Variants in SLC10A7 observed in about 807,000 individuals in gnomAD.
SLC10A7 encodes solute carrier family 10 member 7, also known as sodium/bile acid cotransporter 7.
Under a neutral mutation model 43.2 loss-of-function variants are expected in SLC10A7, and 29 were observed. The ratio of observed to expected loss-of-function variants is 0.67; its 90% CI spans 0.50 to 0.92. The LOEUF is 0.92. Ranked by LOEUF, SLC10A7 falls within the 40% of genes least tolerant of loss-of-function variation. The probability of loss-of-function intolerance (pLI) is 0.00; values close to 1 mark genes in which losing one functional copy is unlikely to be tolerated. For synonymous variants in SLC10A7, 152 were observed against 144.8 expected (o/e 1.05, Z -0.35); for missense variants, 295 against 403.2 (o/e 0.73, Z 2.30).
chr4:146,376,369 A>T (rs1347144600), intron 5 of SLC10A7, among the ~76,000 whole-genome samples: 1 of 152,064 alleles, frequency 6.6e-6, no homozygotes, highest in African/African-American at 2.4e-5. Flanking sequence ...GGAAACTGCA[A>T]CCCTAAATGA....
intron 10 of SLC10A7, among the ~76,000 whole-genome samples, chr4:146,278,567 C>T (rs998383165): frequency 6.6e-6 from 1 of 152,150 alleles, no homozygotes; most frequent in Non-Finnish European, 1.5e-5. Context: ...TTTTTAACCT[C>T]TTTAGGAAGA....
chr4:146,365,845 T>C (rs1253125002), intron 5 of SLC10A7, among the ~76,000 whole-genome samples: 1 of 152,204 alleles, frequency 6.6e-6, no homozygotes, highest in African/African-American at 2.4e-5. Flanking sequence ...CCCTGGGCAG[T>C]GGACCAACCA....
At chr4:146,406,174 G>A (rs1727671936) in intron 5 of SLC10A7, among the ~76,000 whole-genome samples, 1 of 152,042 alleles carries the variant, frequency 6.6e-6, no homozygotes, top group South Asian at 2.1e-4. Context: ...TTAAATAAAA[G>A]CTACAGCCTT....
chr4:146,355,257 A>G (rs550333761), intron 5 of SLC10A7, among the ~76,000 whole-genome samples: 1 of 152,340 alleles, frequency 6.6e-6, no homozygotes, highest in South Asian at 2.1e-4. Context: ...TCAAAAGAAG[A>G]CATTTATGCA....
chr4:146,476,386 T>C (rs1243323156), intron 4 of SLC10A7, among the ~76,000 whole-genome samples: 1 of 152,082 alleles, frequency 6.6e-6, no homozygotes. Flanking sequence ...AATAAATACA[T>C]TAAGAAGTAA....
rs185947029 is a variant in SLC10A7, at chr4:146,504,739, T to A, written c.321-815A>T. On this transcript the variant is annotated intron_variant, in intron 3 of 11. Coordinates refer to ENST00000335472, the MANE Select transcript of SLC10A7 (RefSeq NM_001029998.6). ...TTTCTATAGAAGAGCAGTTTTCAAA[T>A]CTTCATCTCACAAAAGACATTTTAA... Among the ~76,000 whole-genome samples, 404 of 152,278 alleles carry A rather than the reference T, an allele frequency of 2.7e-3. 4 individuals are homozygous for A. The highest frequency in any genetic ancestry group is 9.5e-3 in the African/African-American group (395 of 41,552).
In SLC10A7 at chr4:146,462,562, T is replaced by C. The variant is rs557049448; in HGVS notation, c.397-19741A>G. Among the ~76,000 whole-genome samples the C allele has an allele frequency of 3.3e-5, 5 of 152,288 alleles. No individual in the cohort carries two copies. The South Asian group carries it at 8.3e-4, about 25-fold the overall frequency. On this transcript the variant is annotated intron_variant, in intron 4 of 11. Coordinates refer to ENST00000335472, the MANE Select transcript of SLC10A7 (RefSeq NM_001029998.6). Reference sequence around the variant, plus strand: ...TCTAATATGCTATGTAGCTAAGATATATATGAATATCAAAAATACACAGCA... The same window carrying C: ...TCTAATATGCTATGTAGCTAAGATACATATGAATATCAAAAATACACAGCA...
At chr4:146,371,981 T>C (rs1736813673) in intron 5 of SLC10A7, among the ~76,000 whole-genome samples, 2 of 152,138 alleles carry the variant, frequency 1.3e-5, no homozygotes, top group Admixed American at 1.3e-4. Context: ...CCGGAAGCAA[T>C]GTTTTATGTC....
chr4:146,260,601 T>C (rs115314910), intron 10 of SLC10A7, among the ~76,000 whole-genome samples: 3,324 of 152,294 alleles, frequency 0.022, 110 homozygotes, highest in African/African-American at 0.076. Flanking sequence ...CAGATGCTGC[T>C]GCTACAATAA....
At chr4:146,401,413 G>C (rs1385887330) in intron 5 of SLC10A7, among the ~76,000 whole-genome samples, 5 of 152,164 alleles carry the variant, frequency 3.3e-5, no homozygotes, top group Admixed American at 3.3e-4. Context: ...GAACAAAGGG[G>C]CAAACACACA....
At chr4:146,309,250 G>A (rs1256291835) in intron 6 of SLC10A7, among the ~76,000 whole-genome samples, 1 of 152,036 alleles carries the variant, frequency 6.6e-6, no homozygotes, top group African/African-American at 2.4e-5. Flanking sequence ...TGTACCTCTC[G>A]GAATCCTTGG....
At chr4:146,512,724 A>G (rs959931432) in intron 2 of SLC10A7, among the ~76,000 whole-genome samples, 2 of 152,206 alleles carry the variant, frequency 1.3e-5, no homozygotes, top group Admixed American at 6.5e-5. Flanking sequence ...AACTTAAACT[A>G]CATATATCAT....
intron 5 of SLC10A7, among the ~76,000 whole-genome samples, chr4:146,359,451 A>G (rs1224645487): frequency 6.6e-6 from 1 of 152,076 alleles, no homozygotes; most frequent in Non-Finnish European, 1.5e-5. Context: ...ATGTTCACCT[A>G]TGTTTTTTTC....
intron 7 of SLC10A7, among the ~76,000 whole-genome samples, chr4:146,298,524 T>C (rs928022381): frequency 6.6e-6 from 1 of 152,234 alleles, no homozygotes; most frequent in Non-Finnish European, 1.5e-5. Flanking sequence ...TATGCTTTTT[T>C]ATTATTAATT....
At chr4:146,336,851 A>C (rs887561127) in intron 5 of SLC10A7, among the ~76,000 whole-genome samples, 1 of 152,072 alleles carries the variant, frequency 6.6e-6, no homozygotes, top group Non-Finnish European at 1.5e-5. Flanking sequence ...AGAACACAAA[A>C]GTGGAATAAT....
intron 4 of SLC10A7, among the ~76,000 whole-genome samples, chr4:146,483,607 G>A (rs1333287419): frequency 1.3e-5 from 2 of 151,984 alleles, no homozygotes; most frequent in African/African-American, 4.8e-5. Flanking sequence ...GTAATAGTAA[G>A]TCCTTACCTA....
At chr4:146,256,844 G>A (rs1486096905) in intron 11 of SLC10A7, 1 of 1,535,630 alleles carries the variant, frequency 6.5e-7, no homozygotes, top group Admixed American at 2.0e-5. Context: ...TGGACTCTTG[G>A]TATTTATTTT....
At chr4:146,465,958 T>C (rs1041249591) in intron 4 of SLC10A7, among the ~76,000 whole-genome samples, 15 of 152,218 alleles carry the variant, frequency 9.9e-5, no homozygotes, top group African/African-American at 3.1e-4. Context: ...TTTTCTAAGA[T>C]GTTCTTTAAC....
intron 2 of SLC10A7, among the ~76,000 whole-genome samples, chr4:146,511,689 C>T (rs972752372): frequency 6.6e-6 from 1 of 152,110 alleles, no homozygotes; most frequent in African/African-American, 2.4e-5. Context: ...TTTAGGACCA[C>T]TAGAAAACAC....
Sources: allele counts gnomAD v4.1 joint callset (sites outside exome capture counted in the v4.1 genomes callset), GRCh38; gene constraint gnomAD v4.1.1; transcripts MANE v1.5; gene names NCBI Gene and HGNC (gene_info 2026-07-23, HGNC 2026-07-21).